CLNK: variants seen among roughly 807,000 people sequenced by gnomAD.
The protein encoded by CLNK is cytokine-dependent hematopoietic cell linker.
A neutral mutation model predicts 68.6 loss-of-function variants in CLNK; 74 were observed. That is an observed-to-expected ratio of 1.08 (90% CI 0.89 to 1.31). The LOEUF is 1.31. Among genes scored for constraint, CLNK ranks in the 50% most tolerant of loss-of-function variants. The probability of loss-of-function intolerance (pLI) is 0.00; values close to 1 mark genes in which losing one functional copy is unlikely to be tolerated. For missense variants in CLNK, 553 were observed against 515.3 expected (o/e 1.07, Z -0.71); for synonymous variants, 198 against 172.2 (o/e 1.15, Z -1.17).
At chr4:10,667,983 T>G (rs1724475563) in intron 1 of CLNK, 72 bp from the exon 2 acceptor site, 3 of 778,932 alleles carry the variant, frequency 3.9e-6, no homozygotes, top group South Asian at 2.2e-5. Flanking sequence ...CAAGCCACTG[T>G]TGCTGCTTGT....
At chr4:10,697,147 T>G in the CLNK span, 1 of 152,190 alleles carries the variant, frequency 6.6e-6, no homozygotes, top group Non-Finnish European at 1.5e-5. Flanking sequence ...ACACTCATGA[T>G]TGCAAAATAA....
intron 2 of CLNK, among the ~76,000 whole-genome samples, chr4:10,620,985 C>T (rs1722429320): frequency 1.3e-5 from 2 of 151,964 alleles, no homozygotes; most frequent in South Asian, 4.2e-4. Context: ...TGGTGGGCAC[C>T]TGTAGTCCCA....
At chr4:10,607,289 G>A (rs1354959107) in intron 2 of CLNK, among the ~76,000 whole-genome samples, 2 of 152,316 alleles carry the variant, frequency 1.3e-5, no homozygotes, top group East Asian at 3.9e-4. Context: ...CCCCACTGTG[G>A]CATGCTCTCT....
intron 7 of CLNK, 106 bp downstream of exon 7, chr4:10,564,565 C>T: frequency 1.3e-6 from 1 of 776,400 alleles, no homozygotes; most frequent in Non-Finnish European, 2.2e-6. Context: ...GCTTGACCTG[C>T]TCTTTCCCTA....
chr4:10,719,165 GAAAAT>G, the CLNK span, among the ~76,000 whole-genome samples: 1 of 151,926 alleles, frequency 6.6e-6, no homozygotes, highest in Non-Finnish European at 1.5e-5. Flanking sequence ...ACAGAAAACA[GAAAAT>G]AAAATAGCAA....
At chr4:10,723,469 C>G in the CLNK span, among the ~76,000 whole-genome samples, 6 of 152,120 alleles carry the variant, frequency 3.9e-5, no homozygotes, top group African/African-American at 9.7e-5. Flanking sequence ...CTCCTTAAGA[C>G]TTTATGGATA....
At chr4:10,694,321 A>G in the CLNK span, among the ~76,000 whole-genome samples, 65 of 151,894 alleles carry the variant, frequency 4.3e-4, no homozygotes, top group Non-Finnish European at 4.4e-5. Flanking sequence ...AAGGTAAGGA[A>G]CAAGGGCACT....
At chr4:10,693,009 A>T in the CLNK span, among the ~76,000 whole-genome samples, 2 of 152,176 alleles carry the variant, frequency 1.3e-5, no homozygotes, top group Non-Finnish European at 2.9e-5. Context: ...CAATCTGGGG[A>T]CATAATTTTC....
At chr4:10,584,608 A>C (rs1470118738) in intron 4 of CLNK, among the ~76,000 whole-genome samples, 1 of 152,200 alleles carries the variant, frequency 6.6e-6, no homozygotes, top group Admixed American at 6.5e-5. Flanking sequence ...GTGAGTCACC[A>C]TAAGACTGGC....
chr4:10,573,939 A>G (rs1720449656), intron 4 of CLNK, among the ~76,000 whole-genome samples: 2 of 151,482 alleles, frequency 1.3e-5, no homozygotes, highest in Non-Finnish European at 2.9e-5. Flanking sequence ...CTCTCTGACT[A>G]CTCCAGGCCA....
chr4:10,621,730 C>T (rs1229130612), intron 2 of CLNK, among the ~76,000 whole-genome samples: 1 of 152,214 alleles, frequency 6.6e-6, no homozygotes, highest in African/African-American at 2.4e-5. Context: ...GGACAATTCA[C>T]TTTCCAGGTG....
chr4:10,560,138 G>A (rs1719830396), intron 7 of CLNK, among the ~76,000 whole-genome samples: 1 of 152,214 alleles, frequency 6.6e-6, no homozygotes, highest in Admixed American at 6.5e-5. Context: ...TACTCTCGGA[G>A]ATGCAGGTCT....
intron 2 of CLNK, among the ~76,000 whole-genome samples, chr4:10,656,116 A>G (rs1462644156): frequency 1.3e-5 from 2 of 152,096 alleles, no homozygotes; most frequent in African/African-American, 2.4e-5. Flanking sequence ...TTGGAATTCA[A>G]CGTAGGAAGC....
chr4:10,545,956 G>A (rs952246171), intron 8 of CLNK, among the ~76,000 whole-genome samples: 3 of 152,184 alleles, frequency 2.0e-5, no homozygotes, highest in African/African-American at 7.2e-5. Context: ...GAGTCCCAGG[G>A]TAGCTGTGGG....
At chr4:10,680,650 A>G (rs1725062446) in intron 1 of CLNK, among the ~76,000 whole-genome samples, 1 of 152,332 alleles carries the variant, frequency 6.6e-6, no homozygotes, top group African/African-American at 2.4e-5. Context: ...TTTGTATTTA[A>G]TAATTACTAG....
chr4:10,696,747 C>G, the CLNK span, among the ~76,000 whole-genome samples: 1 of 152,088 alleles, frequency 6.6e-6, no homozygotes, highest in Admixed American at 6.5e-5. Context: ...TTCCAGCCTC[C>G]CTAGGATTGC....
At chr4:10,679,301 C>T (rs1358522410) in intron 1 of CLNK, among the ~76,000 whole-genome samples, 1 of 152,180 alleles carries the variant, frequency 6.6e-6, no homozygotes, top group Non-Finnish European at 1.5e-5. Context: ...GCTGGGAAAA[C>T]TGGCTAGCCA....
chr4:10,533,735 A>C (rs922157961), intron 11 of CLNK, among the ~76,000 whole-genome samples: 4 of 152,254 alleles, frequency 2.6e-5, no homozygotes, highest in Non-Finnish European at 4.4e-5. Flanking sequence ...TTTAATGTTT[A>C]AGAAGCCAGT....
intron 2 of CLNK, among the ~76,000 whole-genome samples, chr4:10,667,205 C>T (rs1053010419): frequency 6.6e-6 from 1 of 152,172 alleles, no homozygotes; most frequent in Non-Finnish European, 1.5e-5. Flanking sequence ...AATACTATCA[C>T]TCTGCTTTTC....
Sources: gnomAD v4.1 joint callset for allele counts (sites outside exome capture counted in the v4.1 genomes callset) on GRCh38, gnomAD v4.1.1 for gene constraint, MANE v1.5 for transcripts, NCBI Gene and HGNC (gene_info 2026-07-23, HGNC 2026-07-21) for gene names.